The following SUSD6 variants were observed in gnomAD, a reference collection of about 807,000 sequenced individuals.
The protein encoded by SUSD6 is sushi domain containing 6, also known as sushi domain-containing protein 6.
Under a neutral mutation model 28.4 loss-of-function variants are expected in SUSD6, and 16 were observed. The observed-to-expected ratio is 0.56, with a 90% CI of 0.38 to 0.86. The LOEUF (loss-of-function observed/expected upper bound fraction) is 0.86. Ranked by LOEUF, SUSD6 falls within the 40% of genes least tolerant of loss-of-function variation. The pLI is 0.00. For missense variants in SUSD6, 341 were observed against 384.2 expected (o/e 0.89, Z 0.94); for synonymous variants, 147 against 159.6 (o/e 0.92, Z 0.59).
At chr14:69,663,737 G>C (rs1449392422) in intron 2 of SUSD6, among the ~76,000 whole-genome samples, 1 of 152,158 alleles carries the variant, frequency 6.6e-6, no homozygotes, top group Admixed American at 6.5e-5. Context: ...GGTGAGGCTG[G>C]CTGGGATTTG....
intron 1 of SUSD6, among the ~76,000 whole-genome samples, chr14:69,653,036 C>A (rs1176942177): frequency 1.3e-5 from 2 of 152,110 alleles, no homozygotes; most frequent in South Asian, 2.1e-4. Flanking sequence ...AAGTAACAGC[C>A]CCATTTTACA....
At chr14:69,653,261 T>G (rs1283806135) in intron 1 of SUSD6, among the ~76,000 whole-genome samples, 1 of 152,160 alleles carries the variant, frequency 6.6e-6, no homozygotes, top group Non-Finnish European at 1.5e-5. Context: ...AGCTGAGGCC[T>G]CCTGCTACCA....
At chr14:69,690,253 C>T (rs766464946) in intron 2 of SUSD6, among the ~76,000 whole-genome samples, 31 of 152,190 alleles carry the variant, frequency 2.0e-4, no homozygotes, top group Non-Finnish European at 3.7e-4. Flanking sequence ...GACTCTACTC[C>T]TGACTGTTAG....
At chr14:69,685,293 C>T (rs1306352921) in intron 2 of SUSD6, among the ~76,000 whole-genome samples, 2 of 152,332 alleles carry the variant, frequency 1.3e-5, no homozygotes, top group South Asian at 2.1e-4. Flanking sequence ...TGATTGTTTC[C>T]CATAGGCCAC....
At chr14:69,636,067 G>A (rs1268660355) in intron 1 of SUSD6, among the ~76,000 whole-genome samples, 1 of 152,248 alleles carries the variant, frequency 6.6e-6, no homozygotes, top group African/African-American at 2.4e-5. Context: ...GTGTGGACAT[G>A]CATCTTTGTT....
intron 1 of SUSD6, among the ~76,000 whole-genome samples, chr14:69,657,699 ATGTAT>A (rs1402507019): frequency 5.3e-5 from 8 of 152,356 alleles, no homozygotes; most frequent in African/African-American, 1.7e-4. Context: ...CCACACCATA[ATGTAT>A]TGTAATGTAT....
intron 1 of SUSD6, among the ~76,000 whole-genome samples, chr14:69,652,316 G>A (rs1306275075): frequency 2.0e-5 from 3 of 152,028 alleles, no homozygotes; most frequent in Non-Finnish European, 2.9e-5. Context: ...TCATGGTGGC[G>A]TGCGCCTGTA....
At chr14:69,706,116 T>G (rs1886383717) in intron 4 of SUSD6, among the ~76,000 whole-genome samples, 1 of 152,236 alleles carries the variant, frequency 6.6e-6, no homozygotes. Context: ...CTTTCTTTTA[T>G]TTTGTTTTTG....
intron 4 of SUSD6, 47 bp downstream of exon 4, chr14:69,704,789 T>A: frequency 6.3e-7 from 1 of 1,596,350 alleles, no homozygotes. Context: ...GTGCAAGCAT[T>A]ACTGTGGGGG....
intron 3 of SUSD6, 45 bp from the exon 4 acceptor site, chr14:69,704,559 T>C (rs761998555): frequency 7.6e-6 from 12 of 1,580,166 alleles, no homozygotes; most frequent in Non-Finnish European, 1.0e-5. Context: ...AGCTGTTTTG[T>C]GTATTTGGGT....
intron 2 of SUSD6, among the ~76,000 whole-genome samples, chr14:69,661,238 A>G (rs1307683789): frequency 2.0e-5 from 3 of 151,696 alleles, no homozygotes; most frequent in Non-Finnish European, 4.4e-5. Context: ...AAGCTATCCT[A>G]TTTACCCCTA....
At chr14:69,633,199 C>A (rs959927388) in intron 1 of SUSD6, among the ~76,000 whole-genome samples, 1 of 152,218 alleles carries the variant, frequency 6.6e-6, no homozygotes. Context: ...ACTTACTGAT[C>A]CAAGGCAGAA....
chr14:69,704,836 T>G, intron 4 of SUSD6, 94 bp downstream of exon 4: 1 of 1,343,756 alleles, frequency 7.4e-7, no homozygotes, highest in Non-Finnish European at 1.0e-6. Flanking sequence ...GGCCCCAATC[T>G]CTGTGGGTCT....
Position 69,649,833 on chromosome 14 carries a change from C to T in SUSD6, c.-80-8680C>T, listed in dbSNP as rs74060253. On this transcript the variant is annotated intron_variant, in intron 1 of 5. Coordinates refer to ENST00000342745, the MANE Select transcript of SUSD6 (RefSeq NM_014734.4). ...AAACTAAGATGGGAACTAAGCTTGA[C>T]CTTTTATTTGGAAAACAAAAGAGCA... 4.0e-3 allele frequency among the ~76,000 whole-genome samples: 607 copies of T among 152,208 alleles called. 4 individuals carry two copies. Among genetic ancestry groups the T allele is most frequent in the African/African-American group, 0.014 (582 of 41,542 alleles).
At chr14:69,676,392 C>CCTTGTTT (rs1885909955) in intron 2 of SUSD6, among the ~76,000 whole-genome samples, 1 of 142,524 alleles carries the variant, frequency 7.0e-6, no homozygotes, top group African/African-American at 2.7e-5. Flanking sequence ...TTTTTTTTTT[C>CCTTGTTT]CTTTTTGAGA....
intron 2 of SUSD6, among the ~76,000 whole-genome samples, chr14:69,678,629 C>G (rs909068217): frequency 3.3e-5 from 5 of 151,892 alleles, no homozygotes; most frequent in Non-Finnish European, 5.9e-5. Context: ...ATGATGAAAC[C>G]CTGTCTCTAC....
At chr14:69,673,137 G>T (rs1403748473) in intron 2 of SUSD6, among the ~76,000 whole-genome samples, 2 of 152,180 alleles carry the variant, frequency 1.3e-5, no homozygotes, top group African/African-American at 4.8e-5. Context: ...TCATTCAGGT[G>T]TGCCAGTGAA....
chr14:69,701,441 G>C (rs1283580433), intron 2 of SUSD6, among the ~76,000 whole-genome samples: 1 of 152,140 alleles, frequency 6.6e-6, no homozygotes, highest in Non-Finnish European at 1.5e-5. Context: ...CCACGGAAAT[G>C]AACCAATTAG....
At chr14:69,708,146 A>G (rs1266612299) in intron 4 of SUSD6, among the ~76,000 whole-genome samples, 1 of 152,230 alleles carries the variant, frequency 6.6e-6, no homozygotes, top group Non-Finnish European at 1.5e-5. Context: ...CCAGTATCCC[A>G]CACTTCCCTG....
Sources: gnomAD v4.1 joint callset for allele counts (sites outside exome capture counted in the v4.1 genomes callset) on GRCh38, gnomAD v4.1.1 for gene constraint, MANE v1.5 for transcripts, NCBI Gene and HGNC (gene_info 2026-07-23, HGNC 2026-07-21) for gene names.